SWAP70: variants seen among roughly 807,000 people sequenced by gnomAD.
The protein encoded by SWAP70 is switching B cell complex subunit SWAP70.
SWAP70 carries 34 observed loss-of-function variants against 80.2 expected under a neutral mutation model. The ratio of observed to expected loss-of-function variants is 0.42; its 90% CI spans 0.32 to 0.56. The LOEUF (loss-of-function observed/expected upper bound fraction) is 0.56. Among genes scored for constraint, SWAP70 ranks in the 20% least tolerant of loss-of-function variants. SWAP70 has a pLI of 0.09. For missense variants in SWAP70, 578 were observed against 690.7 expected, an observed-to-expected ratio of 0.84 and a Z score of 1.83; for synonymous variants, 239 against 238.5, an observed-to-expected ratio of 1.00 and a Z score of -0.02.
At chr11:9,703,539 T>C in intron 2 of SWAP70, 1 of 455,688 alleles carries the variant, frequency 2.2e-6, no homozygotes, top group East Asian at 6.9e-5. Context: ...AGGTTTCTCC[T>C]GGTAGAACCC....
At chr11:9,697,116 CTA>C (rs1265306063) in intron 2 of SWAP70, among the ~76,000 whole-genome samples, 1 of 151,808 alleles carries the variant, frequency 6.6e-6, no homozygotes, top group African/African-American at 2.4e-5. Flanking sequence ...AAATACACAA[CTA>C]TATGCATGTT....
At chr11:9,679,511 C>G (rs1297834147) in intron 1 of SWAP70, among the ~76,000 whole-genome samples, 2 of 152,116 alleles carry the variant, frequency 1.3e-5, no homozygotes, top group Non-Finnish European at 2.9e-5. Flanking sequence ...GCAACTGACT[C>G]CAGTCTCAGT....
intron 3 of SWAP70, among the ~76,000 whole-genome samples, chr11:9,722,957 C>G (rs1851158942): frequency 6.6e-6 from 1 of 152,122 alleles, no homozygotes; most frequent in Non-Finnish European, 1.5e-5. Flanking sequence ...TTTGCATCCC[C>G]TGATCTATGG....
Position 9,724,903 on chromosome 11 carries a change from G to GTT in SWAP70, c.642+26_642+27dup. On this transcript the variant is annotated intron_variant, in intron 4 of 11. Transcript: ENST00000318950. ...TAAAGCAGGTAAGAATTCTGTTACT[G>GTT]TTTTTTTTTCTCATCTTTAGAATTT... The GTT allele has an allele frequency of 2.8e-6, 4 of 1,422,604 alleles. No homozygotes were observed. The highest frequency in any genetic ancestry group is 3.9e-6 in the Non-Finnish European group (4 of 1,031,836). The allele number at this position is 1,422,604 out of a possible 1,614,324, so 88.1% of individuals were successfully genotyped here.
chr11:9,721,090 A>G (rs1851128842), intron 3 of SWAP70, among the ~76,000 whole-genome samples: 1 of 152,244 alleles, frequency 6.6e-6, no homozygotes, highest in South Asian at 2.1e-4. Context: ...TGCTGGGATG[A>G]CAGGCGTGAG....
intron 2 of SWAP70, among the ~76,000 whole-genome samples, chr11:9,712,192 C>T (rs1390681): frequency 0.33 from 49,547 of 151,936 alleles, 8,322 homozygotes; most frequent in Non-Finnish European, 0.35. Context: ...ATTGTCTTTA[C>T]ATTCCTTGGG....
Position 9,729,409 on chromosome 11 carries a change from A to G in SWAP70, c.856A>G (p.Ile286Val), listed in dbSNP as rs1295179580. 1.9e-6 allele frequency: 3 copies of G among 1,613,748 alleles called. No individual in the cohort carries two copies. The highest frequency in any genetic ancestry group is 1.3e-5 in the African/African-American group (1 of 75,028). The change falls in exon 6 of 12, where the codon ATC (isoleucine) becomes GTC (valine). Residue 286 changes from isoleucine (I) to valine (V), a missense_variant. Physicochemically the swap from Ile to Val is conservative, Grantham distance 29. Coordinates refer to ENST00000318950, the MANE Select transcript of SWAP70 (RefSeq NM_015055.4). ...LVKCFDKTFE[I>V]SASDKKKKQE... ...AAAATGTTTTGATAAGACTTTTGAA[A>G]TCAGTGCTTCAGATAAGAAGAAGAA...
chr11:9,743,578 T>G (rs935272738), intron 9 of SWAP70, among the ~76,000 whole-genome samples: 1 of 151,610 alleles, frequency 6.6e-6, no homozygotes, highest in Non-Finnish European at 1.5e-5. Context: ...CCTGACTTTT[T>G]AATGATTGCC....
intron 2 of SWAP70, among the ~76,000 whole-genome samples, chr11:9,704,915 T>C (rs1047086078): frequency 6.6e-6 from 1 of 152,226 alleles, no homozygotes; most frequent in Non-Finnish European, 1.5e-5. Context: ...TGAGCTGCAG[T>C]TCAGCTCAAA....
intron 2 of SWAP70, among the ~76,000 whole-genome samples, chr11:9,704,403 TTTTAC>T (rs149042978): frequency 0.22 from 32,746 of 151,112 alleles, 4,583 homozygotes; most frequent in Non-Finnish European, 0.31. Flanking sequence ...TTTTATTTTA[TTTTAC>T]TTTTTTGAGA....
intron 2 of SWAP70, among the ~76,000 whole-genome samples, chr11:9,697,783 T>A (rs892853): frequency 0.55 from 83,907 of 151,986 alleles, 25,241 homozygotes; most frequent in South Asian, 0.73. Flanking sequence ...GTGTTATACA[T>A]GTTTTTTGGT....
chr11:9,685,990 T>A (rs1365293673), intron 1 of SWAP70, among the ~76,000 whole-genome samples: 1 of 152,184 alleles, frequency 6.6e-6, no homozygotes, highest in East Asian at 1.9e-4. Context: ...ATATGAATTT[T>A]GGGGGACACA....
chr11:9,702,564 C>T (rs941827587), intron 2 of SWAP70, among the ~76,000 whole-genome samples: 3 of 152,022 alleles, frequency 2.0e-5, no homozygotes, highest in African/African-American at 7.2e-5. Flanking sequence ...GCTGGAATTA[C>T]ATGTGTGCAC....
intron 6 of SWAP70, among the ~76,000 whole-genome samples, chr11:9,729,675 G>A (rs553021227): frequency 1.3e-5 from 2 of 149,850 alleles, no homozygotes; most frequent in South Asian, 2.1e-4. Flanking sequence ...TGTAATTTTA[G>A]TAGAGACGGG....
intron 1 of SWAP70, among the ~76,000 whole-genome samples, chr11:9,685,923 T>C (rs1237638672): frequency 6.6e-6 from 1 of 151,764 alleles, no homozygotes; most frequent in Non-Finnish European, 1.5e-5. Context: ...GCGTGAGCCA[T>C]TGCTCCCGGC....
At chr11:9,716,852 G>T (rs183244068) in intron 3 of SWAP70, among the ~76,000 whole-genome samples, 33 of 152,312 alleles carry the variant, frequency 2.2e-4, no homozygotes, top group African/African-American at 7.7e-4. Context: ...TTGGAGACAT[G>T]AGTGCCAAGG....
At chr11:9,721,839 T>G (rs2133802841) in intron 3 of SWAP70, among the ~76,000 whole-genome samples, 1 of 152,342 alleles carries the variant, frequency 6.6e-6, no homozygotes, top group East Asian at 1.9e-4. Flanking sequence ...TGTCTATTTT[T>G]CTGTTAAAAT....
At position 9,682,359 on chromosome 11, in the gene SWAP70, A is replaced by T. The variant is rs141985954; in HGVS notation, c.100-11787A>T. On this transcript the variant is annotated intron_variant, in intron 1 of 11. Transcript: ENST00000318950. ...AAGAGACCATAGTTTTGTTAAGGCA[A>T]TGGTGATACCAAAGTCAGAATCAGG... Among the ~76,000 whole-genome samples the T allele has an allele frequency of 2.4e-4, 36 of 152,360 alleles. No individual in the cohort carries two copies. In the East Asian group the frequency reaches 6.6e-3, roughly 28 times the overall value.
chr11:9,692,208 G>C (rs1850705157), intron 1 of SWAP70, among the ~76,000 whole-genome samples: 1 of 82,778 alleles, frequency 1.2e-5, no homozygotes, highest in Non-Finnish European at 2.3e-5. Context: ...TCTTAGGCTG[G>C]CCACTTAAAA....
Sources: gnomAD v4.1 joint callset for allele counts (sites outside exome capture counted in the v4.1 genomes callset) on GRCh38, gnomAD v4.1.1 for gene constraint, MANE v1.5 for transcripts, NCBI Gene and HGNC (gene_info 2026-07-23, HGNC 2026-07-21) for gene names.